Variants in IYD observed in about 807,000 individuals in gnomAD.
The protein encoded by IYD is iodotyrosine deiodinase 1.
Under a neutral mutation model 28.4 loss-of-function variants are expected in IYD, and 25 were observed. The observed-to-expected ratio is 0.88, with a 90% CI of 0.64 to 1.23. IYD has a LOEUF of 1.23. IYD is among the 50% of genes most tolerant of loss of function. IYD has a pLI of 0.00. For missense variants in IYD, 352 were observed against 357.9 expected (o/e 0.98, Z 0.13); for synonymous variants, 140 against 130.8 (o/e 1.07, Z -0.48).
intron 1 of IYD, among the ~76,000 whole-genome samples, chr6:150,388,688 T>C (rs1440876303): frequency 1.4e-5 from 2 of 147,288 alleles, no homozygotes; most frequent in African/African-American, 2.6e-5. Flanking sequence ...TCTTTCTTCT[T>C]TCCTTCCTTC....
rs1243564885 is a variant in IYD, at chr6:150,404,022, A to T, written c.*5785A>T. Reference sequence around the variant, plus strand: ...AATCAAAACCCTCTGAAGGGTGAAAACTGGGAGCCTCCTGTTCCCATAGTA... The same window carrying T: ...AATCAAAACCCTCTGAAGGGTGAAATCTGGGAGCCTCCTGTTCCCATAGTA... On this transcript the variant is annotated 3_prime_UTR_variant, in exon 5 of 5. Coordinates refer to ENST00000344419, the MANE Select transcript of IYD (RefSeq NM_203395.3). 6.6e-6 allele frequency: 1 copy of T among 152,200 alleles called. No individual in the cohort carries two copies. The highest frequency in any genetic ancestry group is 1.5e-5 in the Non-Finnish European group (1 of 68,038). The allele number at this position is 152,200 out of a possible 1,614,324, so 9.4% of individuals were successfully genotyped here.
chr6:150,383,848 C>CATT (rs1777757540), intron 1 of IYD, among the ~76,000 whole-genome samples: 1 of 148,398 alleles, frequency 6.7e-6, no homozygotes, highest in Non-Finnish European at 1.5e-5. Context: ...TAAAAAAAAC[C>CATT]TCCTCCCAAA....
rs999415758 is a variant in IYD at position 150,402,817 on chromosome 6, T to C, written c.*4580T>C. On this transcript the variant is annotated 3_prime_UTR_variant, in exon 5 of 5. Coordinates refer to ENST00000344419, the MANE Select transcript of IYD (RefSeq NM_203395.3). ...TTGCTCCTCCCTATGAAAGGAAGAG[T>C]GACTTCTCTGCTGCATGATATTGGG... 1 of 152,230 alleles carries C rather than the reference T, an allele frequency of 6.6e-6. No homozygotes were observed. 9.4% of individuals were successfully genotyped at this position (152,230 alleles called of 1,614,324 possible). A position where few individuals can be genotyped will look rare whatever the true frequency, so the allele number is the denominator to read the frequency against.
intron 4 of IYD, chr6:150,396,116 A>G (rs548412525): frequency 6.0e-4 from 138 of 231,158 alleles, no homozygotes; most frequent in Admixed American, 2.1e-3. Flanking sequence ...TAAAATATCT[A>G]TAACAACTGT....
At chr6:150,375,353 C>T (rs933849069) in intron 1 of IYD, among the ~76,000 whole-genome samples, 2 of 152,134 alleles carry the variant, frequency 1.3e-5, no homozygotes, top group African/African-American at 4.8e-5. Context: ...GATGAAGAAA[C>T]TGTATTCTCA....
chr6:150,382,448 A>C (rs1238995084), intron 1 of IYD, among the ~76,000 whole-genome samples: 1 of 152,052 alleles, frequency 6.6e-6, no homozygotes, highest in Non-Finnish European at 1.5e-5. Context: ...ACCTCTATCC[A>C]ATTTTACTAG....
At chr6:150,388,888 G>A (rs1421743188) in intron 1 of IYD, among the ~76,000 whole-genome samples, 1 of 152,034 alleles carries the variant, frequency 6.6e-6, no homozygotes, top group East Asian at 1.9e-4. Context: ...TTTTAGTAAA[G>A]ACGGGGTTTC....
chr6:150,384,203 C>T (rs1185557182), intron 1 of IYD: 1 of 152,136 alleles, frequency 6.6e-6, no homozygotes, highest in African/African-American at 2.4e-5. Context: ...GTAGGAGTTG[C>T]TTTCTGTGTG....
At chr6:150,391,802 G>T (rs1778128760) in intron 2 of IYD, among the ~76,000 whole-genome samples, 1 of 152,104 alleles carries the variant, frequency 6.6e-6, no homozygotes, top group South Asian at 2.1e-4. Context: ...TCTGCCTCCA[G>T]GGTTCAAACG....
intron 1 of IYD, chr6:150,384,554 A>G (rs537351706): frequency 6.6e-6 from 1 of 152,246 alleles, no homozygotes; most frequent in East Asian, 1.9e-4. Flanking sequence ...AGGAATATCT[A>G]TTATTATTAT....
At position 150,400,645 on chromosome 6, in the gene IYD, G is replaced by C. The variant is rs889177003; in HGVS notation, c.*2408G>C. ...AGTGTCACTGTGGGAAGAATAAGAG[G>C]GGGACTGTCTTGTCCTTGCTACTCA... On this transcript the variant is annotated 3_prime_UTR_variant, in exon 5 of 5. Coordinates refer to ENST00000344419, the MANE Select transcript of IYD (RefSeq NM_203395.3). The C allele has an allele frequency of 6.6e-6, 1 of 152,174 alleles. No homozygotes were observed. The highest frequency in any genetic ancestry group is 2.4e-5 in the African/African-American group (1 of 41,438). 9.4% of individuals were successfully genotyped at this position (152,174 alleles called of 1,614,324 possible). A position where few individuals can be genotyped will look rare whatever the true frequency, so the allele number is the denominator to read the frequency against.
At chr6:150,384,786 A>G (rs1247434946) in intron 1 of IYD, 1 of 152,224 alleles carries the variant, frequency 6.6e-6, no homozygotes, top group Non-Finnish European at 1.5e-5. Context: ...TTGACAATAC[A>G]GTCTTCAGAA....
chr6:150,391,811 C>T (rs997159708), intron 2 of IYD, among the ~76,000 whole-genome samples: 4 of 152,102 alleles, frequency 2.6e-5, no homozygotes, highest in Admixed American at 6.5e-5. Context: ...AGGGTTCAAA[C>T]GATTCTCCTG....
rs1282930353 is a variant in IYD at position 150,398,251 on chromosome 6, A to G, written c.*14A>G. On this transcript the variant is annotated 3_prime_UTR_variant, in exon 5 of 5. Coordinates refer to ENST00000344419, the MANE Select transcript of IYD (RefSeq NM_203395.3). ...GTGACAGTGTAGGCAGGGCCCCCCA[A>G]GGGAGTGGCAGGGAGATGGCGCCCC... 3.1e-6 allele frequency: 5 copies of G among 1,613,116 alleles called. No individual in the cohort carries two copies. The highest frequency in any genetic ancestry group is 1.7e-5 in the Admixed American group (1 of 59,990).
In IYD at chr6:150,403,041, C is replaced by T. The variant is rs1298662686; in HGVS notation, c.*4804C>T. 6.6e-6 allele frequency: 1 copy of T among 152,226 alleles called. No homozygotes were observed. Among genetic ancestry groups the T allele is most frequent in the Non-Finnish European group, 1.5e-5 (1 of 68,064 alleles). 9.4% of individuals were successfully genotyped at this position (152,226 alleles called of 1,614,324 possible). On this transcript the variant is annotated 3_prime_UTR_variant, in exon 5 of 5. Transcript: ENST00000344419. ...CTTCTGGACTCAAGTGATCCTCCCACCTTAGCTTCCCAGGTAGCTGGGATA... is the reference window on the plus strand; with the variant it reads ...CTTCTGGACTCAAGTGATCCTCCCATCTTAGCTTCCCAGGTAGCTGGGATA...
chr6:150,397,477 G>A (rs1778362290), intron 4 of IYD, among the ~76,000 whole-genome samples: 1 of 151,132 alleles, frequency 6.6e-6, no homozygotes, highest in Non-Finnish European at 1.5e-5. Context: ...GACTGAGGTG[G>A]GAGGATGGCT....
chr6:150,386,294 A>T (rs575325338), intron 1 of IYD, among the ~76,000 whole-genome samples: 1 of 151,810 alleles, frequency 6.6e-6, no homozygotes, highest in African/African-American at 2.4e-5. Flanking sequence ...TATTGCATAG[A>T]TTTTTCAATA....
intron 1 of IYD, among the ~76,000 whole-genome samples, chr6:150,379,248 G>T (rs1050501215): frequency 2.0e-5 from 3 of 152,064 alleles, no homozygotes; most frequent in Non-Finnish European, 4.4e-5. Flanking sequence ...CCAGTCTTTC[G>T]ATTTCTATTT....
At chr6:150,388,157 A>C (rs1177333735) in intron 1 of IYD, among the ~76,000 whole-genome samples, 1 of 152,198 alleles carries the variant, frequency 6.6e-6, no homozygotes, top group Non-Finnish European at 1.5e-5. Flanking sequence ...GTTTATTCCA[A>C]GTTCAAGTTT....
Sources: allele counts gnomAD v4.1 joint callset (sites outside exome capture counted in the v4.1 genomes callset), GRCh38; gene constraint gnomAD v4.1.1; transcripts MANE v1.5; gene names NCBI Gene and HGNC (gene_info 2026-07-23, HGNC 2026-07-21).